PXMP2: variants seen among roughly 807,000 people sequenced by gnomAD.
PXMP2 encodes the protein peroxisomal membrane protein 2.
In PXMP2, 13 loss-of-function variants were observed where a neutral mutation model predicts 20.2. That is an observed-to-expected ratio of 0.64 (90% CI 0.42 to 1.02). The LOEUF (loss-of-function observed/expected upper bound fraction) is 1.02. Ranked by LOEUF, PXMP2 falls within the 50% of genes least tolerant of loss-of-function variation. The probability of loss-of-function intolerance (pLI) is 0.00; values close to 1 mark genes in which losing one functional copy is unlikely to be tolerated. For synonymous variants in PXMP2, 113 were observed against 111.2 expected (o/e 1.02, Z -0.10); for missense variants, 284 against 251.8 (o/e 1.13, Z -0.87).
Position 132,704,690 on chromosome 12 carries a change from A to G in PXMP2, c.*3A>G. 1 of 1,570,612 alleles carries G rather than the reference A, an allele frequency of 6.4e-7. No individual in the cohort carries two copies. Among genetic ancestry groups the G allele is most frequent in the Middle Eastern group, 1.7e-4 (1 of 5,924 alleles). On this transcript the variant is annotated 3_prime_UTR_variant, in exon 5 of 5. Coordinates refer to ENST00000317479, the MANE Select transcript of PXMP2 (RefSeq NM_018663.3). ...ACCTGGCCTCCTTGGGGAAGTGACG[A>G]CCGCTGGGAGAACATCAGGTGCACT...
At position 132,701,352 on chromosome 12, in the gene PXMP2, A is replaced by G; in HGVS notation, c.502A>G (p.Asn168Asp). 6.2e-7 allele frequency: 1 copy of G among 1,612,852 alleles called. No individual in the cohort carries two copies. Among genetic ancestry groups the G allele is most frequent in the Non-Finnish European group, 8.5e-7 (1 of 1,179,738 alleles). Residue 168 changes from asparagine to aspartate, a missense_variant, in exon 4 of 5, where the codon AAC becomes GAC. Physicochemically the swap from Asn to Asp is conservative, Grantham distance 23 (BLOSUM62 1). Transcript: ENST00000317479. ...GACGCCACTACAGTTCATCAACATCAACTACGTCCCTCTGAAGGTGAGGGC... is the reference window on the plus strand; with the variant it reads ...GACGCCACTACAGTTCATCAACATCGACTACGTCCCTCTGAAGGTGAGGGC... ...VWTPLQFININYVPLKFRVLF... is the reference protein window; with the variant it reads ...VWTPLQFINIDYVPLKFRVLF...
chr12:132,704,722 G>C lies in PXMP2; in HGVS notation c.*35G>C. The stretch of plus-strand genomic sequence containing the variant: ...GGAGAACATCAGGTGCACTGTGGAC[G>C]TGGGTCTGGGGGTCTCACCCGCCCA... On this transcript the variant is annotated 3_prime_UTR_variant, in exon 5 of 5. Transcript: ENST00000317479. 3 of 1,587,274 alleles carry C rather than the reference G, an allele frequency of 1.9e-6. No individual in the cohort carries two copies. The highest frequency in any genetic ancestry group is 2.6e-6 in the Non-Finnish European group (3 of 1,163,002).
At chr12:132,690,219 T>A (rs1027126332) in intron 1 of PXMP2, 44 bp from the exon 2 acceptor site, 2 of 1,507,998 alleles carry the variant, frequency 1.3e-6, no homozygotes. Context: ...AGGGACACCC[T>A]CCTGCTGGTC....
Position 132,696,210 on chromosome 12 carries a change from C to T in PXMP2, c.399+164C>T, listed in dbSNP as rs2043409458. 6.6e-6 allele frequency among the ~76,000 whole-genome samples: 1 copy of T among 152,004 alleles called. No individual in the cohort carries two copies. The highest frequency in any genetic ancestry group is 1.5e-5 in the Non-Finnish European group (1 of 68,012). On this transcript the variant is annotated intron_variant, in intron 3 of 4. Transcript: ENST00000317479. This position sits in a 1 kb window ranked among gnomAD's most constrained non-coding sequence, Gnocchi z 4.4. ...AAGCAAACATCTAGTATTGGCAGGACCTGTTTGTACCCAGTAGAGTCACTT... is the reference window on the plus strand; with the variant it reads ...AAGCAAACATCTAGTATTGGCAGGATCTGTTTGTACCCAGTAGAGTCACTT...
At chr12:132,698,918 CTTACT>C (rs1317277217) in intron 3 of PXMP2, among the ~76,000 whole-genome samples, 2 of 152,326 alleles carry the variant, frequency 1.3e-5, no homozygotes, top group South Asian at 2.1e-4. Flanking sequence ...GCTTCTCCCC[CTTACT>C]TTAAACAAGA....
rs2043412548 is a variant in PXMP2 at position 132,696,796 on chromosome 12, T to C, written c.399+750T>C. On this transcript the variant is annotated intron_variant, in intron 3 of 4. Transcript: ENST00000317479. This position sits in a 1 kb window ranked among gnomAD's most constrained non-coding sequence, Gnocchi z 4.4. Reference sequence around the variant, plus strand: ...GCCTGGGTAATAGAGCCAGACTCCGTCTCAAAAACAAAAAACAAAACAAAA... The same window carrying C: ...GCCTGGGTAATAGAGCCAGACTCCGCCTCAAAAACAAAAAACAAAACAAAA... Among the ~76,000 whole-genome samples the C allele has an allele frequency of 6.7e-6, 1 of 148,506 alleles. No individual in the cohort carries two copies. The highest frequency in any genetic ancestry group is 2.5e-5 in the African/African-American group (1 of 40,062).
chr12:132,703,366 A>G (rs1156543207), intron 4 of PXMP2, among the ~76,000 whole-genome samples: 1 of 152,220 alleles, frequency 6.6e-6, no homozygotes, highest in Non-Finnish European at 1.5e-5. Flanking sequence ...AGATGCGGCC[A>G]TGGTGGGTGC....
chr12:132,691,284 G>A (rs1246742542), intron 2 of PXMP2, among the ~76,000 whole-genome samples: 2 of 151,920 alleles, frequency 1.3e-5, no homozygotes, highest in African/African-American at 2.4e-5. Flanking sequence ...TCCTGACCTC[G>A]TGATCCGCCC....
chr12:132,691,107 G>A lies in PXMP2; in HGVS notation c.236+731G>A, dbSNP rs559957366. On this transcript the variant is annotated intron_variant, in intron 2 of 4. Transcript: ENST00000317479. ...CACTCTGCTGCCCAGACTGGAGTGC[G>A]GTGGCGCGATCTTGGCTTACTGCAA... 1.1e-4 allele frequency among the ~76,000 whole-genome samples: 17 copies of A among 149,864 alleles called. No individual in the cohort carries two copies. The East Asian group carries it at 3.3e-3, about 29-fold the overall frequency.
chr12:132,700,081 A>T (rs2043430867), intron 3 of PXMP2, among the ~76,000 whole-genome samples: 2 of 146,748 alleles, frequency 1.4e-5, no homozygotes, highest in South Asian at 2.1e-4. Context: ...TCACTGTGTC[A>T]GCCAGGCTGG....
In PXMP2 at chr12:132,690,363, T is replaced by TA. The variant is rs767359583; in HGVS notation, c.224dup (p.Tyr75Ter). 29 of 1,612,008 alleles carry TA rather than the reference T, an allele frequency of 1.8e-5. No homozygotes were observed. Among genetic ancestry groups the TA allele is most frequent in the Non-Finnish European group, 2.4e-5 (28 of 1,178,864 alleles). The change falls in exon 2 of 5, where the codon TAT becomes TAAT. Residue 75 changes from tyrosine (Y) to a stop codon, truncating the protein, a stop_gained and frameshift_variant. Transcript: ENST00000317479. LOFTEE classifies it high-confidence loss of function. The part of the protein sequence containing the change: ...RSLDVGGPLR[Y>*]AVYGFFFTGP... Reference sequence around the variant, plus strand: ...TCTGGATGTCGGTGGGCCTCTGAGATATGCCGTTTACGGGTGAGTGCCATA... The same window carrying TA: ...TCTGGATGTCGGTGGGCCTCTGAGATAATGCCGTTTACGGGTGAGTGCCATA...
chr12:132,689,804 C>T (rs1041723868), intron 1 of PXMP2, among the ~76,000 whole-genome samples: 3 of 152,202 alleles, frequency 2.0e-5, no homozygotes, highest in African/African-American at 7.2e-5. Flanking sequence ...AAACGTAGTG[C>T]AGTATCGACC....
chr12:132,704,509 T>G, intron 4 of PXMP2, 110 bp from the exon 5 acceptor site: 1 of 820,696 alleles, frequency 1.2e-6, no homozygotes, highest in African/African-American at 1.8e-5. Flanking sequence ...GATGGGTGGT[T>G]GGACCAGCTG....
chr12:132,702,426 C>A, intron 4 of PXMP2: 1 of 339,496 alleles, frequency 2.9e-6, no homozygotes, highest in Non-Finnish European at 5.9e-6. Context: ...TCTTTATGCA[C>A]AGCCAGGGTC....
chr12:132,702,925 A>C (rs998441432), intron 4 of PXMP2, among the ~76,000 whole-genome samples: 6 of 152,154 alleles, frequency 3.9e-5, no homozygotes, highest in African/African-American at 1.2e-4. Context: ...ACACACCAAG[A>C]AGCAGCAGGA....
chr12:132,702,403 C>A, intron 4 of PXMP2: 1 of 297,130 alleles, frequency 3.4e-6, no homozygotes, highest in Non-Finnish European at 7.0e-6. Flanking sequence ...GGCTCTGCCA[C>A]TGGGATCAAC....
Position 132,693,880 on chromosome 12 carries a change from C to T in PXMP2, c.237-2004C>T, listed in dbSNP as rs144246368. Among the ~76,000 whole-genome samples the T allele has an allele frequency of 1.7e-3, 116 of 67,496 alleles. 1 individual carries two copies. Among genetic ancestry groups the T allele is most frequent in the East Asian group, 5.4e-3 (15 of 2,800 alleles). The allele number at this position is 67,496 out of a possible 152,430, so 44.3% of individuals were successfully genotyped here. A position where few individuals can be genotyped will look rare whatever the true frequency, so the allele number is the denominator to read the frequency against. On this transcript the variant is annotated intron_variant, in intron 2 of 4. Transcript: ENST00000317479. The stretch of plus-strand genomic sequence containing the variant: ...CCAGTTAGTTAGTGAGCTCCCTTAG[C>T]CAGTTAGATAGTGAGCGCCCTTAGC...
intron 1 of PXMP2, among the ~76,000 whole-genome samples, chr12:132,688,897 C>G (rs1374071946): frequency 8.4e-5 from 2 of 23,816 alleles, no homozygotes; most frequent in Non-Finnish European, 1.8e-4. Flanking sequence ...AGCGGGTCTG[C>G]GGGGCACGGG....
intron 2 of PXMP2, among the ~76,000 whole-genome samples, chr12:132,694,340 G>A (rs1454892585): frequency 1.5e-5 from 1 of 67,970 alleles, no homozygotes; most frequent in African/African-American, 4.8e-5. Flanking sequence ...GTTAGTGAGC[G>A]CCCTTGCCAG....
Sources: allele counts gnomAD v4.1 joint callset (sites outside exome capture counted in the v4.1 genomes callset), GRCh38; gene constraint gnomAD v4.1.1; non-coding constraint Gnocchi (gnomAD v3.1); transcripts MANE v1.5; gene names NCBI Gene and HGNC (gene_info 2026-07-23, HGNC 2026-07-21).